SNRPD3: variants seen among roughly 807,000 people sequenced by gnomAD.
SNRPD3 encodes the protein small nuclear ribonucleoprotein Sm D3.
For synonymous variants in SNRPD3, 66 were observed against 58.4 expected, an observed-to-expected ratio of 1.13 and a Z score of -0.59; for missense variants, 73 against 167.5, an observed-to-expected ratio of 0.44 and a Z score of 3.11.
rs762515246 is a variant in SNRPD3, at chr22:24,573,297, C to A, written c.*1320C>A. Among the ~76,000 whole-genome samples the A allele has an allele frequency of 2.0e-5, 3 of 152,024 alleles. No homozygotes were observed. Among genetic ancestry groups the A allele is most frequent in the Admixed American group, 6.6e-5 (1 of 15,258 alleles). On this transcript the variant is annotated 3_prime_UTR_variant, in exon 4 of 4. Coordinates refer to ENST00000215829, the MANE Select transcript of SNRPD3 (RefSeq NM_004175.5). Reference sequence around the variant, plus strand: ...AACTGGAAAAGCAGCCTGAAAAAATCAAATCACCAAAAAGAGGTCTTGCCA... The same window carrying A: ...AACTGGAAAAGCAGCCTGAAAAAATAAAATCACCAAAAAGAGGTCTTGCCA...
At chr22:24,564,231 C>T (rs1011241463) in intron 2 of SNRPD3, among the ~76,000 whole-genome samples, 1 of 152,086 alleles carries the variant, frequency 6.6e-6, no homozygotes, top group African/African-American at 2.4e-5. Flanking sequence ...CCTGAGACAC[C>T]CCAACACACC....
In SNRPD3 at chr22:24,573,999, C is replaced by G. The variant is rs2045269391; in HGVS notation, c.*2022C>G. On this transcript the variant is annotated 3_prime_UTR_variant, in exon 4 of 4. Transcript: ENST00000215829. Reference sequence around the variant, plus strand: ...AGGAATCTGCATTTTAAACAATTCCCTGGTCCCCAGATAAGTAATTCTTAA... The same window carrying G: ...AGGAATCTGCATTTTAAACAATTCCGTGGTCCCCAGATAAGTAATTCTTAA... Among the ~76,000 whole-genome samples, 1 of 152,224 alleles carries G rather than the reference C, an allele frequency of 6.6e-6. No homozygotes were observed. The highest frequency in any genetic ancestry group is 1.5e-5 in the Non-Finnish European group (1 of 68,042).
chr22:24,556,140 C>T (rs1472223306), intron 1 of SNRPD3, 69 bp downstream of exon 1: 1 of 500,206 alleles, frequency 2.0e-6, no homozygotes, highest in African/African-American at 1.9e-5. Context: ...GAAAGACTTG[C>T]TGCATGGAAC....
intron 1 of SNRPD3, among the ~76,000 whole-genome samples, chr22:24,556,473 A>G (rs1352147935): frequency 6.6e-6 from 1 of 151,566 alleles, no homozygotes; most frequent in Non-Finnish European, 1.5e-5. Flanking sequence ...GGCCTTCCAA[A>G]GTGCTGGGAT....
At chr22:24,558,870 G>A (rs1279575964) in intron 2 of SNRPD3, among the ~76,000 whole-genome samples, 2 of 152,210 alleles carry the variant, frequency 1.3e-5, no homozygotes, top group African/African-American at 4.8e-5. Context: ...GTAGCCTCAA[G>A]TTGAATGCCA....
chr22:24,571,245 G>A (rs1022877524), intron 3 of SNRPD3, among the ~76,000 whole-genome samples: 1 of 152,158 alleles, frequency 6.6e-6, no homozygotes, highest in Non-Finnish European at 1.5e-5. Context: ...CATCTATAAT[G>A]TTTTTCAGCT....
At chr22:24,568,372 C>T (rs980550665) in intron 3 of SNRPD3, among the ~76,000 whole-genome samples, 196 bp downstream of exon 3, 5 of 151,916 alleles carry the variant, frequency 3.3e-5, no homozygotes, top group Non-Finnish European at 7.4e-5. Flanking sequence ...GACAGAGTCT[C>T]GCTTTGTCAC....
In SNRPD3 at chr22:24,570,815, C is replaced by CT. The variant is rs10705174; in HGVS notation, c.320-1080dup. ...TTCTTTTTGCTACTATGAAATAATT[C>CT]TTTTTTTTTTTTTTTTTTTTTGGAG... On this transcript the variant is annotated intron_variant, in intron 3 of 3. Coordinates refer to ENST00000215829, the MANE Select transcript of SNRPD3 (RefSeq NM_004175.5). 8.3e-3 allele frequency among the ~76,000 whole-genome samples: 886 copies of CT among 106,648 alleles called. 28 individuals are homozygous for CT. Among genetic ancestry groups the CT allele is most frequent in the African/African-American group, 0.02 (615 of 31,150 alleles). The allele number at this position is 106,648 out of a possible 152,430, so 70.0% of individuals were successfully genotyped here.
At chr22:24,565,106 A>AGAGG (rs1157413640) in intron 2 of SNRPD3, among the ~76,000 whole-genome samples, 17 of 152,052 alleles carry the variant, frequency 1.1e-4, no homozygotes, top group African/African-American at 4.1e-4. Context: ...GCTGGTCTCA[A>AGAGG]ACTCCTGACC....
rs939354279 is a variant in SNRPD3, at chr22:24,572,239, A to G, written c.*262A>G. 1.1e-5 allele frequency: 7 copies of G among 633,812 alleles called. No individual in the cohort carries two copies. Among genetic ancestry groups the G allele is most frequent in the Non-Finnish European group, 1.9e-5 (7 of 360,638 alleles). The allele number at this position is 633,812 out of a possible 1,614,324, so 39.3% of individuals were successfully genotyped here. ...GGGGATGTCCTGGGAGAATGCCAGT[A>G]CTTTGAAATAGCACAGCTATTGATG... On this transcript the variant is annotated 3_prime_UTR_variant, in exon 4 of 4. Coordinates refer to ENST00000215829, the MANE Select transcript of SNRPD3 (RefSeq NM_004175.5).
chr22:24,556,142 G>A, intron 1 of SNRPD3, 71 bp downstream of exon 1: 1 of 500,870 alleles, frequency 2.0e-6, no homozygotes, highest in Non-Finnish European at 3.6e-6. Context: ...AAGACTTGCT[G>A]CATGGAACTC....
In SNRPD3 at chr22:24,567,652, A is replaced by G. The variant is rs1320425125; in HGVS notation, c.127-332A>G. 2.0e-5 allele frequency among the ~76,000 whole-genome samples: 3 copies of G among 152,100 alleles called. No homozygotes were observed. The East Asian group carries it at 5.8e-4, about 29-fold the overall frequency. On this transcript the variant is annotated intron_variant, in intron 2 of 3. Transcript: ENST00000215829. ...TCCCAGCTACTCAGGAGGCTGAGGCAGGAGAATCGCTTGAACCCGGGAGGC... is the reference window on the plus strand; with the variant it reads ...TCCCAGCTACTCAGGAGGCTGAGGCGGGAGAATCGCTTGAACCCGGGAGGC...
chr22:24,560,502 T>G (rs779188880), intron 2 of SNRPD3, among the ~76,000 whole-genome samples: 4 of 136,868 alleles, frequency 2.9e-5, no homozygotes, highest in Non-Finnish European at 6.1e-5. Context: ...TGGAGTGCAG[T>G]GGCATGATCT....
chr22:24,565,907 A>G (rs1292810973), intron 2 of SNRPD3, among the ~76,000 whole-genome samples: 1 of 152,168 alleles, frequency 6.6e-6, no homozygotes, highest in African/African-American at 2.4e-5. Flanking sequence ...TCGGCCTCCC[A>G]AAGTGCTGGG....
chr22:24,568,346 TA>T (rs1292274203), intron 3 of SNRPD3, among the ~76,000 whole-genome samples, 170 bp downstream of exon 3: 1 of 151,836 alleles, frequency 6.6e-6, no homozygotes, highest in East Asian at 1.9e-4. Flanking sequence ...GTGAGGCCAT[TA>T]TTTTATTTTT....
intron 2 of SNRPD3, 31 bp from the exon 3 acceptor site, chr22:24,567,953 G>T (rs1181778835): frequency 6.4e-7 from 1 of 1,559,698 alleles, no homozygotes; most frequent in Admixed American, 1.8e-5. Context: ...GCTGTTGACC[G>T]TTAACTTATT....
intron 2 of SNRPD3, among the ~76,000 whole-genome samples, chr22:24,560,248 C>A (rs1460992545): frequency 4.2e-5 from 6 of 141,958 alleles, no homozygotes; most frequent in African/African-American, 1.6e-4. Context: ...TCCTGAGTAG[C>A]TGGGACTACA....
intron 2 of SNRPD3, among the ~76,000 whole-genome samples, chr22:24,567,686 C>T (rs1030856642): frequency 5.3e-5 from 8 of 151,920 alleles, no homozygotes; most frequent in African/African-American, 1.4e-4. Context: ...GCAGAGGTCA[C>T]GGTTAGCCGA....
rs2045253864 is a variant in SNRPD3, at chr22:24,571,894, CAT to C, written c.320-19_320-18del. 3 of 1,613,960 alleles carry C rather than the reference CAT, an allele frequency of 1.9e-6. No individual in the cohort carries two copies. The highest frequency in any genetic ancestry group is 1.6e-4 in the Middle Eastern group (1 of 6,062). On this transcript the variant is annotated intron_variant, in intron 3 of 3. Transcript: ENST00000215829. ...TTCACCGACCACACTGACCTGGCCT[CAT>C]ATTTTCTCTTCCCTTTCAGTGGCCG...
Sources: allele counts gnomAD v4.1 joint callset (sites outside exome capture counted in the v4.1 genomes callset), GRCh38; gene constraint gnomAD v4.1.1; transcripts MANE v1.5; gene names NCBI Gene and HGNC (gene_info 2026-07-23, HGNC 2026-07-21).